KLF12: variants seen among roughly 807,000 people sequenced by gnomAD.
KLF12 encodes the protein Krueppel-like factor 12.
In KLF12, 9 loss-of-function variants were observed where a neutral mutation model predicts 37.8. The observed-to-expected ratio is 0.24, with a 90% CI of 0.14 to 0.42. KLF12 has a LOEUF of 0.42. Ranked by LOEUF, KLF12 falls within the 10% of genes least tolerant of loss-of-function variation. The pLI is 1.00. For synonymous variants in KLF12, 208 were observed against 202.1 expected (o/e 1.03, Z -0.25); for missense variants, 411 against 516.0 (o/e 0.80, Z 1.97).
intron 3 of KLF12, among the ~76,000 whole-genome samples, chr13:73,857,817 T>C (rs963344368): frequency 2.0e-5 from 3 of 152,218 alleles, no homozygotes; most frequent in Non-Finnish European, 4.4e-5. Flanking sequence ...GCAGTAGGTA[T>C]GGTGTAGACA....
At chr13:73,961,740 T>C (rs1891026918) in intron 2 of KLF12, among the ~76,000 whole-genome samples, 1 of 152,132 alleles carries the variant, frequency 6.6e-6, no homozygotes, top group Non-Finnish European at 1.5e-5. Context: ...AGTTAGCATA[T>C]GAAAAGATGT....
intron 6 of KLF12, among the ~76,000 whole-genome samples, chr13:73,725,952 T>C (rs1324850637): frequency 2.0e-5 from 3 of 152,070 alleles, no homozygotes; most frequent in Non-Finnish European, 4.4e-5. Flanking sequence ...CACTGCAACC[T>C]CCACCTCCTA....
the KLF12 span, among the ~76,000 whole-genome samples, chr13:74,139,249 A>G: frequency 0.24 from 36,273 of 152,146 alleles, 6,008 homozygotes; most frequent in African/African-American, 0.47. Context: ...TTCTACTTCC[A>G]TGAAGTATTG....
chr13:74,218,167 C>T, the KLF12 span, among the ~76,000 whole-genome samples: 3 of 152,166 alleles, frequency 2.0e-5, no homozygotes, highest in East Asian at 5.8e-4. Context: ...TGATGCTCCT[C>T]ACCAGAACTG....
At chr13:74,110,970 T>C (rs573597303) in intron 1 of KLF12, among the ~76,000 whole-genome samples, 32 of 151,936 alleles carry the variant, frequency 2.1e-4, no homozygotes, top group Non-Finnish European at 3.2e-4. Flanking sequence ...CTGACCAACA[T>C]GGTGAAACCC....
chr13:74,146,256 C>G, the KLF12 span, among the ~76,000 whole-genome samples: 1 of 152,234 alleles, frequency 6.6e-6, no homozygotes. Flanking sequence ...TCCTGCCGCT[C>G]TATGAGCAGA....
At chr13:74,199,844 C>A in the KLF12 span, among the ~76,000 whole-genome samples, 1 of 152,264 alleles carries the variant, frequency 6.6e-6, no homozygotes, top group African/African-American at 2.4e-5. Flanking sequence ...TCGTGGTGAT[C>A]TGTCCCTGAA....
At chr13:74,229,634 A>T in the KLF12 span, among the ~76,000 whole-genome samples, 1 of 152,096 alleles carries the variant, frequency 6.6e-6, no homozygotes, top group Non-Finnish European at 1.5e-5. Flanking sequence ...TATCTAAAAT[A>T]CTAACTACTT....
intron 2 of KLF12, among the ~76,000 whole-genome samples, chr13:73,944,574 A>G (rs1292841961): frequency 6.6e-6 from 1 of 152,228 alleles, no homozygotes; most frequent in African/African-American, 2.4e-5. Context: ...TTCTGGTCAA[A>G]TGAAAATTTC....
intron 3 of KLF12, among the ~76,000 whole-genome samples, chr13:73,914,566 T>C (rs1303350810): frequency 6.6e-6 from 1 of 152,318 alleles, no homozygotes; most frequent in Admixed American, 6.5e-5. Flanking sequence ...ATAATCAGTA[T>C]GAGTTGCACG....
intron 1 of KLF12, among the ~76,000 whole-genome samples, chr13:74,108,512 G>A (rs1352583649): frequency 1.3e-5 from 2 of 152,026 alleles, no homozygotes; most frequent in East Asian, 3.9e-4. Context: ...TGGGGGGTGA[G>A]GGTCATAGGA....
chr13:73,958,736 A>G (rs1294624404), intron 2 of KLF12, among the ~76,000 whole-genome samples: 2 of 152,082 alleles, frequency 1.3e-5, no homozygotes, highest in African/African-American at 2.4e-5. Flanking sequence ...TTTCCACCCA[A>G]TCTTTCTGGA....
intron 2 of KLF12, among the ~76,000 whole-genome samples, chr13:73,946,035 C>T: frequency 6.6e-6 from 1 of 152,150 alleles, no homozygotes; most frequent in Non-Finnish European, 1.5e-5. Flanking sequence ...CATCCAGTCT[C>T]AGGAAAGCCT....
At chr13:74,037,171 C>A (rs980767436) in intron 1 of KLF12, among the ~76,000 whole-genome samples, 3 of 149,620 alleles carry the variant, frequency 2.0e-5, no homozygotes, top group Non-Finnish European at 3.0e-5. Flanking sequence ...CCATTGCACT[C>A]CAGCCAAGGC....
Position 73,847,840 on chromosome 13 carries a change from C to T in KLF12, c.124-1467G>A, listed in dbSNP as rs58179513. 7.2e-3 allele frequency among the ~76,000 whole-genome samples: 1,096 copies of T among 152,178 alleles called. 18 individuals carry two copies. Among genetic ancestry groups the T allele is most frequent in the African/African-American group, 0.024 (1,011 of 41,540 alleles). On this transcript the variant is annotated intron_variant, in intron 3 of 7. Coordinates refer to ENST00000377669, the MANE Select transcript of KLF12 (RefSeq NM_007249.5). ...TTAAAAAACAAAGAAAAAACAAACA[C>T]CATAAATTGAACTGCTTTGATAAAA... is the stretch of plus-strand genomic sequence containing the variant.
chr13:73,995,930 C>T (rs1306837715), intron 1 of KLF12, among the ~76,000 whole-genome samples: 5 of 152,174 alleles, frequency 3.3e-5, no homozygotes, highest in Non-Finnish European at 1.5e-5. Context: ...TTTGGAATTA[C>T]ACTCAAGAGG....
chr13:74,012,305 T>C (rs1892570736), intron 1 of KLF12, among the ~76,000 whole-genome samples: 1 of 152,206 alleles, frequency 6.6e-6, no homozygotes, highest in African/African-American at 2.4e-5. Context: ...TGCACAGCCA[T>C]GTCTGAATGG....
chr13:73,728,940 C>A (rs889239490), intron 6 of KLF12, among the ~76,000 whole-genome samples: 1 of 152,180 alleles, frequency 6.6e-6, no homozygotes, highest in Admixed American at 6.5e-5. Flanking sequence ...GAGTTCTGGG[C>A]TTCTCATTAA....
At chr13:73,994,257 G>A (rs1892046334) in intron 2 of KLF12, among the ~76,000 whole-genome samples, 1 of 152,136 alleles carries the variant, frequency 6.6e-6, no homozygotes, top group Non-Finnish European at 1.5e-5. Context: ...TTGCTGAGCA[G>A]CTACATGAGG....
Sources: allele counts gnomAD v4.1 joint callset (sites outside exome capture counted in the v4.1 genomes callset), GRCh38; gene constraint gnomAD v4.1.1; transcripts MANE v1.5; gene names NCBI Gene and HGNC (gene_info 2026-07-23, HGNC 2026-07-21).